The following CADPS2 variants were observed in gnomAD, a reference collection of about 807,000 sequenced individuals.
CADPS2 encodes the protein calcium dependent secretion activator 2.
Under a neutral mutation model 172.5 loss-of-function variants are expected in CADPS2, and 93 were observed. That is an observed-to-expected ratio of 0.54 (90% CI 0.46 to 0.64). The LOEUF is 0.64. Among genes scored for constraint, CADPS2 ranks in the 30% least tolerant of loss-of-function variants. The pLI is 0.00. For synonymous variants in CADPS2, 546 were observed against 555.2 expected (o/e 0.98, Z 0.23); for missense variants, 1,420 against 1,565.9 (o/e 0.91, Z 1.57).
At chr7:122,756,428 C>T (rs2138576195) in intron 1 of CADPS2, among the ~76,000 whole-genome samples, 1 of 152,002 alleles carries the variant, frequency 6.6e-6, no homozygotes, top group African/African-American at 2.4e-5. Flanking sequence ...ATGTATACAA[C>T]CACATTTCTT....
intron 6 of CADPS2, among the ~76,000 whole-genome samples, chr7:122,613,664 C>A (rs185587939): frequency 4.3e-3 from 642 of 150,904 alleles, no homozygotes; most frequent in Non-Finnish European, 5.6e-3. Context: ...GGGTTGATAG[C>A]TAAAGGGTAC....
At chr7:122,527,506 G>A (rs1349717337) in intron 8 of CADPS2, among the ~76,000 whole-genome samples, 1 of 150,730 alleles carries the variant, frequency 6.6e-6, no homozygotes, top group South Asian at 2.1e-4. Context: ...CTTTGCCCGA[G>A]TTCTGAACAA....
chr7:122,706,131 A>G (rs867491778), intron 2 of CADPS2, among the ~76,000 whole-genome samples: 1 of 79,982 alleles, frequency 1.3e-5, no homozygotes, highest in Non-Finnish European at 2.3e-5. Context: ...ATATATATAT[A>G]TGCTTATATA....
intron 14 of CADPS2, among the ~76,000 whole-genome samples, chr7:122,452,250 A>G (rs1466267141): frequency 3.9e-5 from 6 of 152,232 alleles, no homozygotes; most frequent in African/African-American, 1.4e-4. Flanking sequence ...AATTTTGAAC[A>G]TATAAATCTT....
chr7:122,681,445 T>C (rs1490565317), intron 2 of CADPS2: 21 of 1,530,874 alleles, frequency 1.4e-5, no homozygotes, highest in African/African-American at 6.9e-5. Flanking sequence ...ATTCGAAACA[T>C]AGTGGAGGCC....
At chr7:122,732,636 G>A (rs948237125) in intron 2 of CADPS2, among the ~76,000 whole-genome samples, 3 of 145,246 alleles carry the variant, frequency 2.1e-5, no homozygotes, top group Non-Finnish European at 3.0e-5. Flanking sequence ...TTGGGTGGGG[G>A]TGTCTTTGTA....
At chr7:122,838,079 C>A (rs1476468915) in intron 1 of CADPS2, among the ~76,000 whole-genome samples, 3 of 152,160 alleles carry the variant, frequency 2.0e-5, no homozygotes, top group Non-Finnish European at 2.9e-5. Flanking sequence ...AGCTTATCCA[C>A]CATGATCAAG....
chr7:122,809,433 T>C (rs55823131), intron 1 of CADPS2, among the ~76,000 whole-genome samples: 29,732 of 150,432 alleles, frequency 0.2, 3,064 homozygotes, highest in Middle Eastern at 0.3. Flanking sequence ...AAAAAAAATT[T>C]AGGCAGGCAT....
intron 8 of CADPS2, among the ~76,000 whole-genome samples, chr7:122,531,631 C>T (rs2061763461): frequency 1.3e-5 from 2 of 152,072 alleles, no homozygotes; most frequent in African/African-American, 2.4e-5. Flanking sequence ...ATGGAGATAA[C>T]GATTGGTTTC....
At chr7:122,643,175 G>C (rs2077876760) in intron 3 of CADPS2, among the ~76,000 whole-genome samples, 1 of 152,094 alleles carries the variant, frequency 6.6e-6, no homozygotes, top group African/African-American at 2.4e-5. Flanking sequence ...TAGCAGCCCA[G>C]TGTTTCATTT....
intron 1 of CADPS2, among the ~76,000 whole-genome samples, chr7:122,768,834 T>TA (rs1293049047): frequency 6.6e-6 from 1 of 152,038 alleles, no homozygotes; most frequent in Non-Finnish European, 1.5e-5. Context: ...GCATGGAAGA[T>TA]ATATTTTATG....
chr7:122,603,968 C>T (rs1235892903), intron 6 of CADPS2, among the ~76,000 whole-genome samples: 1 of 152,018 alleles, frequency 6.6e-6, no homozygotes, highest in Non-Finnish European at 1.5e-5. Flanking sequence ...CTCTGTACAA[C>T]ATGGGGGATG....
At chr7:122,553,696 C>T (rs973717334) in intron 8 of CADPS2, among the ~76,000 whole-genome samples, 2 of 152,080 alleles carry the variant, frequency 1.3e-5, no homozygotes, top group African/African-American at 4.8e-5. Flanking sequence ...AGTGATTGGG[C>T]CCTAATGCCA....
chr7:122,540,396 T>C (rs1368646981), intron 8 of CADPS2, among the ~76,000 whole-genome samples: 1 of 152,084 alleles, frequency 6.6e-6, no homozygotes, highest in Non-Finnish European at 1.5e-5. Flanking sequence ...TTAAATGGTA[T>C]CAAATTAAAG....
intron 25 of CADPS2, among the ~76,000 whole-genome samples, chr7:122,365,822 A>C: frequency 6.6e-6 from 1 of 152,238 alleles, no homozygotes; most frequent in East Asian, 1.9e-4. Flanking sequence ...GAGTGCTTCA[A>C]GGCATGTGCA....
chr7:122,692,835 C>G (rs1235620981), intron 2 of CADPS2, among the ~76,000 whole-genome samples: 3 of 152,220 alleles, frequency 2.0e-5, no homozygotes, highest in Non-Finnish European at 2.9e-5. Context: ...GCACTGTTCT[C>G]TCTGTCTTGG....
intron 28 of CADPS2, among the ~76,000 whole-genome samples, chr7:122,330,057 A>G (rs2034651811): frequency 1.3e-5 from 2 of 152,230 alleles, no homozygotes; most frequent in Non-Finnish European, 2.9e-5. Context: ...TAGGTGACAA[A>G]GAAAAGGAAA....
chr7:122,870,154 C>G (rs1278260423), intron 1 of CADPS2, among the ~76,000 whole-genome samples: 1 of 151,794 alleles, frequency 6.6e-6, no homozygotes, highest in African/African-American at 2.4e-5. Context: ...AGACATCAAA[C>G]AGCTTAGTGG....
chr7:122,580,840 A>T (rs13222290), intron 7 of CADPS2, among the ~76,000 whole-genome samples: 1 of 151,876 alleles, frequency 6.6e-6, no homozygotes, highest in Non-Finnish European at 1.5e-5. Context: ...CCCAGGGACA[A>T]AAATATGTTA....
Sources: allele counts gnomAD v4.1 joint callset (sites outside exome capture counted in the v4.1 genomes callset), GRCh38; gene constraint gnomAD v4.1.1; transcripts MANE v1.5; gene names NCBI Gene and HGNC (gene_info 2026-07-23, HGNC 2026-07-21).